The following DISC1 variants were observed in gnomAD, a reference collection of about 807,000 sequenced individuals.
DISC1 encodes DISC1 scaffold protein.
A neutral mutation model predicts 84.5 loss-of-function variants in DISC1; 57 were observed. The ratio of observed to expected loss-of-function variants is 0.67; its 90% CI spans 0.55 to 0.84. DISC1 has a LOEUF of 0.84. Among genes scored for constraint, DISC1 ranks in the 40% least tolerant of loss-of-function variants. The pLI is 0.00. For missense variants in DISC1, 1,000 were observed against 1,057.8 expected, an observed-to-expected ratio of 0.95 and a Z score of 0.76; for synonymous variants, 411 against 415.2, an observed-to-expected ratio of 0.99 and a Z score of 0.12.
intron 1 of DISC1, among the ~76,000 whole-genome samples, chr1:231,666,046 G>T (rs2061987786): frequency 6.6e-6 from 1 of 152,150 alleles, no homozygotes; most frequent in South Asian, 2.1e-4. Flanking sequence ...GAAAGGAAAG[G>T]AATAGTCCAT....
At chr1:231,949,101 C>G (rs1657847135) in intron 9 of DISC1, among the ~76,000 whole-genome samples, 1 of 152,040 alleles carries the variant, frequency 6.6e-6, no homozygotes, top group Non-Finnish European at 1.5e-5. Flanking sequence ...ATCTTCTGAC[C>G]TCGTGTTCCA....
At chr1:231,790,063 T>C (rs1470196665) in intron 6 of DISC1, among the ~76,000 whole-genome samples, 1 of 152,170 alleles carries the variant, frequency 6.6e-6, no homozygotes, top group Non-Finnish European at 1.5e-5. Context: ...ACAAGAATGG[T>C]AATGTTCTAC....
intron 3 of DISC1, among the ~76,000 whole-genome samples, chr1:231,748,846 TA>T (rs2074293248): frequency 6.6e-6 from 1 of 152,176 alleles, no homozygotes; most frequent in Admixed American, 6.6e-5. Context: ...GGGTGTGGGA[TA>T]GGGGTAGGGA....
intron 3 of DISC1, among the ~76,000 whole-genome samples, chr1:231,719,357 A>C (rs972746787): frequency 6.6e-6 from 1 of 152,194 alleles, no homozygotes; most frequent in Non-Finnish European, 1.5e-5. Flanking sequence ...TGAACAAGTG[A>C]ATTCATCTTA....
At chr1:231,671,953 T>C (rs202204949) in intron 1 of DISC1, among the ~76,000 whole-genome samples, 1 of 152,204 alleles carries the variant, frequency 6.6e-6, no homozygotes, top group East Asian at 1.9e-4. Context: ...CAATAAACTT[T>C]CCTCCCCAAT....
At chr1:231,977,661 T>TAGAA (rs1247253651) in intron 10 of DISC1, among the ~76,000 whole-genome samples, 2 of 152,208 alleles carry the variant, frequency 1.3e-5, no homozygotes, top group Non-Finnish European at 2.9e-5. Context: ...TTCCCGGGAT[T>TAGAA]AGAACATGGA....
At chr1:231,716,774 T>C (rs1393224284) in intron 3 of DISC1, among the ~76,000 whole-genome samples, 2 of 152,224 alleles carry the variant, frequency 1.3e-5, no homozygotes, top group African/African-American at 4.8e-5. Flanking sequence ...CCATTTAATC[T>C]TTCCATTTAA....
At chr1:231,961,280 G>A (rs1039349010) in intron 10 of DISC1, among the ~76,000 whole-genome samples, 3 of 152,212 alleles carry the variant, frequency 2.0e-5, no homozygotes, top group African/African-American at 7.2e-5. Context: ...TCTGTGCAGC[G>A]TTTCTTCCTT....
chr1:231,978,807 A>G (rs1233897468), intron 10 of DISC1, among the ~76,000 whole-genome samples: 1 of 152,174 alleles, frequency 6.6e-6, no homozygotes, highest in East Asian at 1.9e-4. Context: ...TGTTTACTCC[A>G]AAAAAGCCCG....
In DISC1 at chr1:231,694,256, T is replaced by A; in HGVS notation, c.498T>A (p.Asp166Glu). The A allele has an allele frequency of 6.2e-7, 1 of 1,614,262 alleles. No homozygotes were observed. The highest frequency in any genetic ancestry group is 8.5e-7 in the Non-Finnish European group (1 of 1,180,042). ...LDASWEAACSDGARRVRAAGS... is the reference protein window; with the variant it reads ...LDASWEAACSEGARRVRAAGS... Reference sequence around the variant, plus strand: ...CCAGCTGGGAGGCAGCCTGCAGCGATGGAGCAAGGCGTGTCCGGGCAGCAG... The same window carrying A: ...CCAGCTGGGAGGCAGCCTGCAGCGAAGGAGCAAGGCGTGTCCGGGCAGCAG... The change falls in exon 2 of 13, where the codon GAT (aspartate) becomes GAA (glutamate). Residue 166 changes from aspartate (D) to glutamate (E), a missense_variant. Physicochemically the swap from Asp to Glu is conservative, Grantham distance 45. This residue lies in a region of DISC1 where 292 missense variants were observed against 280.2 expected (regional missense o/e 1.04). Coordinates refer to ENST00000439617, the MANE Select transcript of DISC1 (RefSeq NM_018662.3).
At chr1:231,681,379 C>T (rs926757213) in intron 1 of DISC1, among the ~76,000 whole-genome samples, 13 of 151,380 alleles carry the variant, frequency 8.6e-5, no homozygotes, top group African/African-American at 2.7e-4. Context: ...CTATGTGATC[C>T]GTGTTGGGCT....
chr1:231,846,182 G>A (rs947259852), intron 9 of DISC1, among the ~76,000 whole-genome samples: 7 of 152,174 alleles, frequency 4.6e-5, no homozygotes, highest in Admixed American at 1.3e-4. Flanking sequence ...GATGCCATGA[G>A]ACCCTCCAGG....
At chr1:231,773,103 C>A (rs1233475760) in intron 6 of DISC1, among the ~76,000 whole-genome samples, 1 of 152,142 alleles carries the variant, frequency 6.6e-6, no homozygotes, top group Non-Finnish European at 1.5e-5. Context: ...TAGTAAGAGA[C>A]CATCTTGTGT....
rs2075990510 is a variant in DISC1 at position 231,764,149 on chromosome 1, AG to A, written c.1269-2989del. ...GGGATAGCTTTAATTTGGCCTTTTT[AG>A]GATGCTGAGTTTATGCCTCCAAGTG... On this transcript the variant is annotated intron_variant, in intron 4 of 12. Transcript: ENST00000439617. Among the ~76,000 whole-genome samples, 4 of 152,328 alleles carry A rather than the reference AG, an allele frequency of 2.6e-5. No homozygotes were observed. In the South Asian group the frequency reaches 8.3e-4, roughly 32 times the overall value.
At chr1:231,815,055 G>A (rs1206991961) in intron 8 of DISC1, 1 of 151,252 alleles carries the variant, frequency 6.6e-6, no homozygotes, top group Admixed American at 6.6e-5. Context: ...TTGTGATTAT[G>A]GTTACTATAA....
At chr1:231,714,926 A>AT (rs922906409) in intron 3 of DISC1, among the ~76,000 whole-genome samples, 1 of 152,194 alleles carries the variant, frequency 6.6e-6, no homozygotes, top group African/African-American at 2.4e-5. Flanking sequence ...GAATTAGACC[A>AT]TTTTTTTGAT....
intron 1 of DISC1, among the ~76,000 whole-genome samples, chr1:231,658,383 G>A (rs1227889865): frequency 1.3e-5 from 2 of 152,206 alleles, no homozygotes; most frequent in African/African-American, 4.8e-5. Context: ...TTTGGGCTGA[G>A]ATGATGGGGT....
chr1:231,991,773 A>G (rs770292715), intron 10 of DISC1, among the ~76,000 whole-genome samples: 1 of 152,340 alleles, frequency 6.6e-6, no homozygotes, highest in East Asian at 1.9e-4. Flanking sequence ...ATGTAAAGGA[A>G]AAGCCCCTTT....
In DISC1 at chr1:231,739,996, G is replaced by A. The variant is rs145355794; in HGVS notation, c.1118-9930G>A. Among the ~76,000 whole-genome samples the A allele has an allele frequency of 6.8e-3, 1,039 of 152,270 alleles. 12 individuals carry two copies. The highest frequency in any genetic ancestry group is 0.023 in the African/African-American group (969 of 41,542). ...TGGGAGGTGATTAGGTCATGAGGGT[G>A]GAGGCTTCATGAATGGAATTAGTGC... On this transcript the variant is annotated intron_variant, in intron 3 of 12. Coordinates refer to ENST00000439617, the MANE Select transcript of DISC1 (RefSeq NM_018662.3).
Sources: gnomAD v4.1 joint callset for allele counts (sites outside exome capture counted in the v4.1 genomes callset) on GRCh38, gnomAD v4.1.1 for gene constraint, gnomAD v4.1.1 regional missense constraint, MANE v1.5 for transcripts, NCBI Gene and HGNC (gene_info 2026-07-23, HGNC 2026-07-21) for gene names.